The following NRXN1 variants were observed in gnomAD, a reference collection of about 807,000 sequenced individuals.
NRXN1 encodes neurexin-1.
A neutral mutation model predicts 150.9 loss-of-function variants in NRXN1; 39 were observed. The observed-to-expected ratio is 0.26, with a 90% CI of 0.20 to 0.34. The LOEUF is 0.34. Ranked by LOEUF, NRXN1 falls within the 10% of genes least tolerant of loss-of-function variation. The probability of loss-of-function intolerance (pLI) is 1.00; values close to 1 mark genes in which losing one functional copy is unlikely to be tolerated. For synonymous variants in NRXN1, 924 were observed against 757.0 expected (o/e 1.22, Z -3.62); for missense variants, 1,815 against 1,949.9 (o/e 0.93, Z 1.30).
chr2:50,452,380 G>A (rs2087055823), intron 17 of NRXN1, among the ~76,000 whole-genome samples: 1 of 152,104 alleles, frequency 6.6e-6, no homozygotes, highest in Non-Finnish European at 1.5e-5. Flanking sequence ...TAGTGACAAT[G>A]AATCACGGAC....
intron 18 of NRXN1, among the ~76,000 whole-genome samples, chr2:50,200,811 G>A (rs902567860): frequency 1.3e-5 from 2 of 152,096 alleles, no homozygotes; most frequent in African/African-American, 4.8e-5. Context: ...TCATTCCTAA[G>A]AACCTTCTGG....
At chr2:50,886,259 G>A (rs1044356661) in intron 5 of NRXN1, among the ~76,000 whole-genome samples, 1 of 151,094 alleles carries the variant, frequency 6.6e-6, no homozygotes, top group Non-Finnish European at 1.5e-5. Flanking sequence ...AAGGAAAAGA[G>A]GTGGTAGAAA....
rs552414754 is a variant in NRXN1 at position 50,299,478 on chromosome 2, G to A, written c.3365-62508C>T. Among the ~76,000 whole-genome samples the A allele has an allele frequency of 4.0e-5, 6 of 150,324 alleles. No homozygotes were observed. The East Asian group carries it at 7.8e-4, about 20-fold the overall frequency. ...AATGTCTTTTTCCCCCTGAAGAATT[G>A]ATGTATTTTACACTCTTAGATAATA... On this transcript the variant is annotated intron_variant, in intron 17 of 22. Coordinates refer to ENST00000401669, the MANE Select transcript of NRXN1 (RefSeq NM_001330078.2).
chr2:50,054,993 C>T lies in NRXN1; in HGVS notation c.3770G>A (p.Arg1257Gln), dbSNP rs1573636785. 3.8e-6 allele frequency: 6 copies of T among 1,598,528 alleles called. No individual in the cohort carries two copies. Among genetic ancestry groups the T allele is most frequent in the Non-Finnish European group, 5.1e-6 (6 of 1,174,094 alleles). ...CCATTCATCAACTACTCGACCAAGT[C>T]GATATGGAATTCGCTGTCTAGCAAT... ...LAIARQRIPY[R>Q]LGRVVDEWLL... is the part of the protein sequence containing the mutation. The change falls in exon 20 of 23, where the codon CGA (arginine) becomes CAA (glutamine). Residue 1257 changes from arginine (R) to glutamine (Q), a missense_variant. Physicochemically the swap from Arg to Gln is conservative, Grantham distance 43. Around this residue, in one of 6 missense-constraint regions of NRXN1, gnomAD observed 5 missense variants for 22.8 expected, o/e 0.22. Transcript: ENST00000401669.
intron 5 of NRXN1, among the ~76,000 whole-genome samples, chr2:50,743,742 C>G (rs1373310818): frequency 6.6e-6 from 1 of 152,046 alleles, no homozygotes; most frequent in African/African-American, 2.4e-5. Context: ...ATAAAACAAC[C>G]CTAGATTTCC....
At chr2:50,538,896 G>C (rs753676286) in intron 9 of NRXN1, among the ~76,000 whole-genome samples, 2 of 152,128 alleles carry the variant, frequency 1.3e-5, no homozygotes, top group African/African-American at 4.8e-5. Context: ...AATAGTGTTT[G>C]AGAGCCTCAA....
At chr2:49,997,985 G>C (rs1054741083) in intron 21 of NRXN1, among the ~76,000 whole-genome samples, 27 of 152,222 alleles carry the variant, frequency 1.8e-4, no homozygotes, top group African/African-American at 6.5e-4. Flanking sequence ...TTTATAAAAT[G>C]CTGCTGCATT....
At chr2:50,684,472 A>G (rs1690931586) in intron 5 of NRXN1, among the ~76,000 whole-genome samples, 1 of 152,188 alleles carries the variant, frequency 6.6e-6, no homozygotes, top group Admixed American at 6.6e-5. Context: ...ACTACACTGC[A>G]GCCTGGGTGA....
chr2:50,320,283 CATAT>C (rs61282635), intron 17 of NRXN1, among the ~76,000 whole-genome samples: 1,190 of 42,872 alleles, frequency 0.028, 13 homozygotes, highest in South Asian at 0.051. Flanking sequence ...ATACCTCAAT[CATAT>C]ATATATATAT....
intron 17 of NRXN1, among the ~76,000 whole-genome samples, chr2:50,278,777 G>C (rs1193806898): frequency 6.6e-6 from 1 of 152,082 alleles, no homozygotes; most frequent in Non-Finnish European, 1.5e-5. Flanking sequence ...ATTGTGAACA[G>C]GCTGAGATAA....
At chr2:50,343,849 T>A (rs2077730560) in intron 17 of NRXN1, among the ~76,000 whole-genome samples, 1 of 152,234 alleles carries the variant, frequency 6.6e-6, no homozygotes, top group African/African-American at 2.4e-5. Context: ...GCATTCTCTA[T>A]TATGAAAGAA....
At chr2:50,569,870 C>T (rs1306263355) in intron 8 of NRXN1, among the ~76,000 whole-genome samples, 2 of 152,048 alleles carry the variant, frequency 1.3e-5, no homozygotes, top group African/African-American at 4.8e-5. Flanking sequence ...CATTTTAGCT[C>T]TCCACATTAA....
At chr2:50,455,524 G>T (rs2087467443) in intron 17 of NRXN1, among the ~76,000 whole-genome samples, 1 of 152,104 alleles carries the variant, frequency 6.6e-6, no homozygotes, top group African/African-American at 2.4e-5. Flanking sequence ...CAGAATTACT[G>T]TCACTGTCAA....
intron 19 of NRXN1, among the ~76,000 whole-genome samples, chr2:50,067,392 A>G (rs531394921): frequency 2.6e-5 from 4 of 152,334 alleles, no homozygotes; most frequent in Non-Finnish European, 4.4e-5. Flanking sequence ...TGAAATAAAT[A>G]CAGGTAACCT....
intron 19 of NRXN1, among the ~76,000 whole-genome samples, chr2:50,089,807 A>G (rs1489822269): frequency 6.6e-6 from 1 of 152,064 alleles, no homozygotes; most frequent in African/African-American, 2.4e-5. Context: ...AAAAAGTTAA[A>G]TTGATAAAGA....
intron 8 of NRXN1, among the ~76,000 whole-genome samples, chr2:50,578,803 C>A (rs897808726): frequency 1.3e-5 from 2 of 151,938 alleles, no homozygotes; most frequent in African/African-American, 4.8e-5. Flanking sequence ...AGATCTAGAT[C>A]TAGACAGGCA....
chr2:50,838,506 C>A (rs9679539), intron 5 of NRXN1, among the ~76,000 whole-genome samples: 52,962 of 151,860 alleles, frequency 0.35, 10,505 homozygotes, highest in Non-Finnish European at 0.47. Context: ...ACCCTCAGAA[C>A]TTCAGAATGT....
chr2:50,095,849 C>A (rs1024771292), intron 18 of NRXN1, among the ~76,000 whole-genome samples: 1 of 151,150 alleles, frequency 6.6e-6, no homozygotes, highest in African/African-American at 2.4e-5. Context: ...AGGTTTGTTA[C>A]ATATGTATAC....
chr2:50,222,675 G>C (rs2063988709), intron 18 of NRXN1, among the ~76,000 whole-genome samples: 1 of 151,882 alleles, frequency 6.6e-6, no homozygotes, highest in Admixed American at 6.6e-5. Context: ...GCAGATGCAT[G>C]TTATGAGGTA....
Sources: allele counts gnomAD v4.1 joint callset (sites outside exome capture counted in the v4.1 genomes callset), GRCh38; gene constraint gnomAD v4.1.1; regional missense constraint gnomAD v4.1.1; transcripts MANE v1.5; gene names NCBI Gene and HGNC (gene_info 2026-07-23, HGNC 2026-07-21).